Variants in ATP11A observed in about 807,000 individuals in gnomAD.
ATP11A encodes the protein phospholipid-transporting ATPase IH.
Under a neutral mutation model 154.4 loss-of-function variants are expected in ATP11A, and 81 were observed. That is an observed-to-expected ratio of 0.52 (90% CI 0.44 to 0.63). The LOEUF is 0.63. ATP11A is among the 30% of genes least tolerant of loss of function. ATP11A has a pLI of 0.00. For synonymous variants in ATP11A, 623 were observed against 585.9 expected (o/e 1.06, Z -0.91); for missense variants, 1,316 against 1,474.3 (o/e 0.89, Z 1.76).
intron 1 of ATP11A, among the ~76,000 whole-genome samples, chr13:112,691,296 C>T (rs1025029847): frequency 5.3e-5 from 8 of 151,800 alleles, no homozygotes; most frequent in Admixed American, 3.9e-4. Flanking sequence ...AACCCCGTCT[C>T]TGCTAAAAAA....
intron 1 of ATP11A, among the ~76,000 whole-genome samples, chr13:112,729,354 G>T (rs1290704761): frequency 2.6e-5 from 4 of 152,236 alleles, no homozygotes; most frequent in Admixed American, 2.6e-4. Flanking sequence ...GCCCACTGAG[G>T]CAGCACAGTC....
intron 1 of ATP11A, among the ~76,000 whole-genome samples, chr13:112,708,343 A>G (rs909711935): frequency 2.0e-5 from 3 of 152,212 alleles, no homozygotes; most frequent in Non-Finnish European, 4.4e-5. Flanking sequence ...AGTTATAATG[A>G]TTTAAAATTC....
At chr13:112,869,997 G>T (rs1337560135) in intron 25 of ATP11A, among the ~76,000 whole-genome samples, 1 of 152,098 alleles carries the variant, frequency 6.6e-6, no homozygotes, top group African/African-American at 2.4e-5. Flanking sequence ...AAAGCTAGCA[G>T]ACCCCACGCC....
chr13:112,803,114 G>A (rs986438283), intron 2 of ATP11A, among the ~76,000 whole-genome samples: 1 of 152,140 alleles, frequency 6.6e-6, no homozygotes, highest in African/African-American at 2.4e-5. Context: ...GAACTTTATT[G>A]TGAAAGGTAA....
At chr13:112,779,930 G>A (rs539301281) in intron 1 of ATP11A, among the ~76,000 whole-genome samples, 1 of 151,824 alleles carries the variant, frequency 6.6e-6, no homozygotes, top group Non-Finnish European at 1.5e-5. Context: ...AAAAAAGAAT[G>A]ACATTTTCCT....
At chr13:112,693,813 A>G (rs1401819341) in intron 1 of ATP11A, among the ~76,000 whole-genome samples, 2 of 152,120 alleles carry the variant, frequency 1.3e-5, no homozygotes, top group Admixed American at 1.3e-4. Flanking sequence ...TTAGCCGGGC[A>G]TGGTGGCGGG....
At chr13:112,857,794 A>T in intron 20 of ATP11A, 24 bp from the exon 21 acceptor site, 1 of 1,577,948 alleles carries the variant, frequency 6.3e-7, no homozygotes, top group Non-Finnish European at 8.7e-7. Context: ...GAGAAGATAA[A>T]TTCCGCATTT....
At position 112,885,025 on chromosome 13, in the gene ATP11A, C is replaced by G. The variant is rs760149566; in HGVS notation, c.*3159C>G. On this transcript the variant is annotated 3_prime_UTR_variant, in exon 30 of 30. Coordinates refer to ENST00000375645, the MANE Select transcript of ATP11A (RefSeq NM_015205.3). Reference sequence around the variant, plus strand: ...GTACCCACCACAAACGTGCAAGCTCCTGCACACATGCATGCACACAAACGT... The same window carrying G: ...GTACCCACCACAAACGTGCAAGCTCGTGCACACATGCATGCACACAAACGT... 1 of 152,314 alleles carries G rather than the reference C, an allele frequency of 6.6e-6. No individual in the cohort carries two copies. The highest frequency in any genetic ancestry group is 2.1e-4 in the South Asian group (1 of 4,850). The allele number at this position is 152,314 out of a possible 1,614,324, so 9.4% of individuals were successfully genotyped here.
intron 14 of ATP11A, among the ~76,000 whole-genome samples, chr13:112,833,931 G>T (rs1206733554): frequency 6.6e-6 from 1 of 152,202 alleles, no homozygotes; most frequent in Non-Finnish European, 1.5e-5. Flanking sequence ...TCCCACCTGG[G>T]CTGGCCAGAG....
intron 6 of ATP11A, among the ~76,000 whole-genome samples, chr13:112,818,807 G>T (rs2078716664): frequency 6.6e-6 from 1 of 152,242 alleles, no homozygotes; most frequent in Non-Finnish European, 1.5e-5. Flanking sequence ...TAAAACTCAC[G>T]TTGAGACAGG....
intron 1 of ATP11A, among the ~76,000 whole-genome samples, chr13:112,734,865 C>T (rs986703433): frequency 5.9e-5 from 9 of 152,164 alleles, no homozygotes; most frequent in African/African-American, 1.7e-4. Flanking sequence ...GTTCTGCCCA[C>T]GCCCCCATTT....
intron 25 of ATP11A, among the ~76,000 whole-genome samples, chr13:112,870,943 C>T (rs1018456267): frequency 6.6e-6 from 1 of 152,208 alleles, no homozygotes; most frequent in African/African-American, 2.4e-5. Context: ...GTCTGTGCTG[C>T]GTTGCCAGCT....
At position 112,788,623 on chromosome 13, in the gene ATP11A, G is replaced by A. The variant is rs141145567; in HGVS notation, c.162+3366G>A. Reference sequence around the variant, plus strand: ...TGCGGAGACCTACTTAATTCACACCGGGTATTCTGACATGTAGACTCCTGT... The same window carrying A: ...TGCGGAGACCTACTTAATTCACACCAGGTATTCTGACATGTAGACTCCTGT... On this transcript the variant is annotated intron_variant, in intron 2 of 29. Transcript: ENST00000375645. Among the ~76,000 whole-genome samples, 12 of 147,426 alleles carry A rather than the reference G, an allele frequency of 8.1e-5. No individual in the cohort carries two copies. In the East Asian group the frequency reaches 2.1e-3, roughly 26 times the overall value.
At chr13:112,692,184 T>C (rs1416315242) in intron 1 of ATP11A, among the ~76,000 whole-genome samples, 1 of 152,224 alleles carries the variant, frequency 6.6e-6, no homozygotes, top group Non-Finnish European at 1.5e-5. Context: ...CACCTTATTT[T>C]CCTGCTTTGT....
Position 112,885,453 on chromosome 13 carries a change from CAT to C in ATP11A, c.*3588_*3589del, listed in dbSNP as rs556323297. The C allele has an allele frequency of 4.9e-4, 75 of 152,354 alleles. No individual in the cohort carries two copies. The highest frequency in any genetic ancestry group is 1.8e-3 in the African/African-American group (73 of 41,560). The allele number at this position is 152,354 out of a possible 1,614,324, so 9.4% of individuals were successfully genotyped here. On this transcript the variant is annotated 3_prime_UTR_variant, in exon 30 of 30. Transcript: ENST00000375645. ...CCAGACGTGTAAACACACGTGCACA[CAT>C]CGTACACATGTGAGCTCCCACACGT...
At chr13:112,815,682 T>A (rs538300209) in intron 5 of ATP11A, among the ~76,000 whole-genome samples, 1 of 152,262 alleles carries the variant, frequency 6.6e-6, no homozygotes, top group Non-Finnish European at 1.5e-5. Context: ...CATGCTTTGA[T>A]GATCTGGGCA....
chr13:112,823,110 G>A (rs998718047), intron 8 of ATP11A, among the ~76,000 whole-genome samples: 46 of 152,348 alleles, frequency 3.0e-4, no homozygotes, highest in Admixed American at 1.4e-3. Flanking sequence ...CCAATGGGAG[G>A]CCCTTGCCGC....
chr13:112,843,224 G>A (rs775894858), intron 17 of ATP11A, among the ~76,000 whole-genome samples: 3 of 152,134 alleles, frequency 2.0e-5, no homozygotes, highest in African/African-American at 7.2e-5. Flanking sequence ...TACACTGTGC[G>A]TGGCTGGGGT....
In ATP11A at chr13:112,875,492, GTTT is replaced by G. The variant is rs35972555; in HGVS notation, c.3162-272_3162-270del. Among the ~76,000 whole-genome samples, 1,846 of 145,976 alleles carry G rather than the reference GTTT, an allele frequency of 0.013. 29 individuals carry two copies. Among genetic ancestry groups the G allele is most frequent in the African/African-American group, 0.036 (1,423 of 39,926 alleles). ...TCAATCCCTTTGTGTTTTGTTTTTT[GTTT>G]TTTTTTTTTTTGCTTCTGTGAAACT... On this transcript the variant is annotated intron_variant, in intron 27 of 29. Transcript: ENST00000375645. The surrounding 1 kb of genome is among the most constrained non-coding windows in gnomAD (Gnocchi z 4.1).
Sources: allele counts gnomAD v4.1 joint callset (sites outside exome capture counted in the v4.1 genomes callset), GRCh38; gene constraint gnomAD v4.1.1; non-coding constraint Gnocchi (gnomAD v3.1); transcripts MANE v1.5; gene names NCBI Gene and HGNC (gene_info 2026-07-23, HGNC 2026-07-21).